KCNU1: variants seen among roughly 807,000 people sequenced by gnomAD.
The protein encoded by KCNU1 is potassium channel subfamily U member 1.
Under a neutral mutation model 126.8 loss-of-function variants are expected in KCNU1, and 93 were observed. That is an observed-to-expected ratio of 0.73 (90% confidence interval 0.62 to 0.87). KCNU1 has a LOEUF of 0.87. Ranked by LOEUF, KCNU1 falls within the 40% of genes least tolerant of loss-of-function variation. The pLI, the probability that KCNU1 is intolerant of heterozygous loss-of-function variation, is 0.00. For synonymous variants in KCNU1, 523 were observed against 494.2 expected, an observed-to-expected ratio of 1.06 and a Z score of -0.77; for missense variants, 1,330 against 1,367.1, an observed-to-expected ratio of 0.97 and a Z score of 0.43.
intron 24 of KCNU1, among the ~76,000 whole-genome samples, chr8:36,929,730 G>A (rs769919291): frequency 6.6e-6 from 1 of 152,112 alleles, no homozygotes; most frequent in Admixed American, 6.6e-5. Flanking sequence ...ACAGGTCATG[G>A]AGGAAACAAG....
chr8:36,899,738 A>T (rs1251335147), intron 19 of KCNU1, among the ~76,000 whole-genome samples: 1 of 152,104 alleles, frequency 6.6e-6, no homozygotes, highest in Non-Finnish European at 1.5e-5. Flanking sequence ...ACATCAGCAG[A>T]ACTCTTCAAT....
chr8:36,827,420 T>A (rs191732447), intron 10 of KCNU1, among the ~76,000 whole-genome samples: 3 of 152,338 alleles, frequency 2.0e-5, no homozygotes, highest in Non-Finnish European at 4.4e-5. Context: ...GACCACGAAA[T>A]GTTATCTCAG....
At chr8:36,899,526 A>G (rs550764220) in intron 19 of KCNU1, among the ~76,000 whole-genome samples, 1 of 152,250 alleles carries the variant, frequency 6.6e-6, no homozygotes, top group East Asian at 1.9e-4. Context: ...CACCATTTAC[A>G]GATGTTTTTT....
At chr8:36,897,704 G>A (rs565424716) in intron 19 of KCNU1, among the ~76,000 whole-genome samples, 194 of 152,034 alleles carry the variant, frequency 1.3e-3, no homozygotes, top group Non-Finnish European at 2.3e-3. Flanking sequence ...CACTTCTACG[G>A]CCCACTAAAA....
At chr8:36,867,644 C>T (rs1030061341) in intron 19 of KCNU1, among the ~76,000 whole-genome samples, 1 of 151,926 alleles carries the variant, frequency 6.6e-6, no homozygotes, top group African/African-American at 2.4e-5. Flanking sequence ...AAAGGGTTGG[C>T]GAGCCATAGA....
rs899959257 is a variant in KCNU1, at chr8:36,905,796, G to T, written c.2098G>T (p.Val700Leu). Residue 700 changes from valine (V) to leucine (L), a missense_variant, in exon 20 of 27, where the codon GTG becomes TTG. Coordinates refer to ENST00000399881, the MANE Select transcript of KCNU1 (RefSeq NM_001031836.3). ...HWCKPTSLDK[V>L]TLKRTGKSKY... ...GTGCAAACCAACCTCTTTGGACAAG[G>T]TGACTCTGGTAGGTGATCTTGCATC... The T allele has an allele frequency of 1.3e-6, 2 of 1,517,500 alleles. No individual in the cohort carries two copies. Among genetic ancestry groups the T allele is most frequent in the Non-Finnish European group, 1.8e-6 (2 of 1,106,826 alleles). The allele number at this position is 1,517,500 out of a possible 1,614,324, so 94.0% of individuals were successfully genotyped here.
At chr8:36,911,371 G>GA (rs770051397) in intron 22 of KCNU1, among the ~76,000 whole-genome samples, 4 of 151,882 alleles carry the variant, frequency 2.6e-5, no homozygotes, top group Non-Finnish European at 5.9e-5. Context: ...AATTTTTAAG[G>GA]AAAAAATAAC....
At chr8:36,849,741 G>T (rs1585457091) in intron 18 of KCNU1, among the ~76,000 whole-genome samples, 1 of 152,182 alleles carries the variant, frequency 6.6e-6, no homozygotes, top group Non-Finnish European at 1.5e-5. Context: ...GGACATTTGG[G>T]TGGTTTCCAC....
At position 36,807,416 on chromosome 8, in the gene KCNU1, C is replaced by A; in HGVS notation, c.622C>A (p.Gln208Lys). The change falls in exon 6 of 27, where the codon CAA becomes AAA. Residue 208 changes from glutamine (Q) to lysine (K), a missense_variant. Gln to Lys is a moderately conservative substitution (Grantham distance 53). This residue lies in a region of KCNU1 where 247 missense variants were observed against 255.4 expected (regional missense o/e 0.97). Transcript: ENST00000399881. ...AGCCTTGCGCCTGCTAGAACTCCCTCAAATCTTGCAAATTCTACGAGCCAT... is the reference window on the plus strand; with the variant it reads ...AGCCTTGCGCCTGCTAGAACTCCCTAAAATCTTGCAAATTCTACGAGCCAT... ...LRALRLLELPQILQILRAIKT... is the reference protein window; with the variant it reads ...LRALRLLELPKILQILRAIKT... 1 of 1,613,414 alleles carries A rather than the reference C, an allele frequency of 6.2e-7. No homozygotes were observed. The highest frequency in any genetic ancestry group is 8.5e-7 in the Non-Finnish European group (1 of 1,179,456).
chr8:36,926,153 T>G (rs2117601003), intron 24 of KCNU1, among the ~76,000 whole-genome samples: 1 of 152,318 alleles, frequency 6.6e-6, no homozygotes, highest in East Asian at 1.9e-4. Flanking sequence ...TTACCTGGTT[T>G]AATTATCCTG....
chr8:36,885,815 G>T (rs553338672), intron 19 of KCNU1, among the ~76,000 whole-genome samples: 230 of 151,942 alleles, frequency 1.5e-3, no homozygotes, highest in Non-Finnish European at 2.9e-3. Context: ...AAGGAAAAAA[G>T]AAATACAATC....
chr8:36,831,467 G>A (rs1217986885), intron 10 of KCNU1, among the ~76,000 whole-genome samples: 1 of 152,166 alleles, frequency 6.6e-6, no homozygotes, highest in African/African-American at 2.4e-5. Flanking sequence ...GCTGTGAAAT[G>A]GTATCTCATT....
chr8:36,918,585 A>G (rs1270738454), intron 22 of KCNU1, among the ~76,000 whole-genome samples: 1 of 151,228 alleles, frequency 6.6e-6, no homozygotes, highest in African/African-American at 2.4e-5. Flanking sequence ...AGAAAAGAAG[A>G]AAGACCCCCC....
At chr8:36,798,744 C>T (rs528097342) in intron 2 of KCNU1, among the ~76,000 whole-genome samples, 1 of 152,194 alleles carries the variant, frequency 6.6e-6, no homozygotes, top group Non-Finnish European at 1.5e-5. Context: ...CCCACCACTG[C>T]TTTGAGTCCT....
intron 7 of KCNU1, among the ~76,000 whole-genome samples, chr8:36,813,468 A>G (rs1309925061): frequency 6.6e-6 from 1 of 151,274 alleles, no homozygotes; most frequent in Non-Finnish European, 1.5e-5. Flanking sequence ...ATATTTTATT[A>G]TAAACTATAC....
chr8:36,930,891 C>A, intron 24 of KCNU1, 60 bp from the exon 25 acceptor site: 2 of 1,232,352 alleles, frequency 1.6e-6, no homozygotes, highest in Non-Finnish European at 1.1e-6. Flanking sequence ...AGCCTTTACC[C>A]CTCCACAGTT....
chr8:36,900,606 C>T (rs987454883), intron 19 of KCNU1, among the ~76,000 whole-genome samples: 2 of 151,964 alleles, frequency 1.3e-5, no homozygotes, highest in African/African-American at 2.4e-5. Context: ...CAGAAGTCAT[C>T]AGAATTGACA....
chr8:36,872,042 A>C (rs189596623), intron 19 of KCNU1, among the ~76,000 whole-genome samples: 2 of 152,224 alleles, frequency 1.3e-5, no homozygotes, highest in East Asian at 3.9e-4. Context: ...AAAAAATGTG[A>C]AGTAGGCAAA....
At chr8:36,830,659 T>C (rs914972551) in intron 10 of KCNU1, among the ~76,000 whole-genome samples, 16 of 152,206 alleles carry the variant, frequency 1.1e-4, no homozygotes, top group Non-Finnish European at 1.8e-4. Context: ...AGTGGTTTCC[T>C]ACATTTTATT....
Sources: allele counts gnomAD v4.1 joint callset (sites outside exome capture counted in the v4.1 genomes callset), GRCh38; gene constraint gnomAD v4.1.1; regional missense constraint gnomAD v4.1.1; transcripts MANE v1.5; gene names NCBI Gene and HGNC (gene_info 2026-07-23, HGNC 2026-07-21).